Variants in LRRC9 observed in about 807,000 individuals in gnomAD.
The protein encoded by LRRC9 is leucine-rich repeat-containing protein 9.
A neutral mutation model predicts 63.2 loss-of-function variants in LRRC9; 122 were observed. The observed-to-expected ratio is 1.93, with a 90% CI of 1.67 to 2.24. The LOEUF (loss-of-function observed/expected upper bound fraction) is 2.24, where lower values mean the gene tolerates loss of function less well. LRRC9 is among the 30% of genes most tolerant of loss of function. LRRC9 has a pLI of 0.00. For missense variants in LRRC9, 1,071 were observed against 627.7 expected (o/e 1.71, Z -7.55); for synonymous variants, 366 against 213.1 (o/e 1.72, Z -6.25).
At chr14:59,994,881 G>A (rs1329408501) in intron 17 of LRRC9, among the ~76,000 whole-genome samples, 4 of 151,984 alleles carry the variant, frequency 2.6e-5, no homozygotes, top group Non-Finnish European at 5.9e-5. Context: ...GGAAGGGGGA[G>A]GGATAGCATT....
exon 32 of LRRC9, chr14:60,063,442 T>TAAAA: frequency 1.7e-6 from 1 of 590,488 alleles, no homozygotes. Context: ...AGTGGTCAGT[T>TAAAA]AAAAAAAAAA....
In LRRC9 at chr14:59,958,932, G is replaced by T. The variant is rs1884083216; in HGVS notation, c.883-886G>T. ...CCCTGCTTCTGCTCACCCTCTGTGGGTTGGACCCACTGTCTAACCAGTCTC... is the reference window on the plus strand; with the variant it reads ...CCCTGCTTCTGCTCACCCTCTGTGGTTTGGACCCACTGTCTAACCAGTCTC... On this transcript the variant is annotated intron_variant, in intron 8 of 31. Coordinates refer to ENST00000445360, the Ensembl canonical transcript of LRRC9. This position sits in a 1 kb window ranked among gnomAD's most constrained non-coding sequence, Gnocchi z 4.0. 6.6e-6 allele frequency among the ~76,000 whole-genome samples: 1 copy of T among 152,186 alleles called. No individual in the cohort carries two copies. Among genetic ancestry groups the T allele is most frequent in the Non-Finnish European group, 1.5e-5 (1 of 68,036 alleles).
intron 19 of LRRC9, among the ~76,000 whole-genome samples, chr14:60,000,865 T>C (rs527808926): frequency 2.0e-5 from 3 of 152,264 alleles, no homozygotes; most frequent in African/African-American, 7.2e-5. Context: ...AGATATTCTT[T>C]ATATATCCAG....
intron 12 of LRRC9, 118 bp from the exon 13 acceptor site, chr14:59,974,458 G>A (rs1566832106): frequency 2.3e-6 from 1 of 429,524 alleles, no homozygotes; most frequent in Non-Finnish European, 4.1e-6. Flanking sequence ...TTTTCAGTGA[G>A]TCCGGCCTGC....
intron 17 of LRRC9, among the ~76,000 whole-genome samples, chr14:59,987,694 T>A (rs2140130446): frequency 6.6e-6 from 1 of 152,224 alleles, no homozygotes; most frequent in African/African-American, 2.4e-5. Flanking sequence ...TTGACAAGAC[T>A]GTAGGAGACA....
At chr14:59,987,249 A>G (rs1887568200) in intron 17 of LRRC9, among the ~76,000 whole-genome samples, 1 of 151,352 alleles carries the variant, frequency 6.6e-6, no homozygotes, top group Non-Finnish European at 1.5e-5. Context: ...CTGTCAACCA[A>G]ATGTACATCC....
chr14:60,013,301 C>T (rs895930265), intron 23 of LRRC9, among the ~76,000 whole-genome samples: 1 of 151,944 alleles, frequency 6.6e-6, no homozygotes, highest in Non-Finnish European at 1.5e-5. Flanking sequence ...ATAGGACAGG[C>T]CATCAGGAAG....
At chr14:59,976,971 T>G (rs1886354833) in intron 13 of LRRC9, among the ~76,000 whole-genome samples, 1 of 152,216 alleles carries the variant, frequency 6.6e-6, no homozygotes. Context: ...TCCTTCTCCC[T>G]CTTCTGTAAA....
chr14:59,931,128 A>G, intron 4 of LRRC9, 70 bp downstream of exon 4: 2 of 316,374 alleles, frequency 6.3e-6, no homozygotes, highest in Non-Finnish European at 1.2e-5. Flanking sequence ...CACAATGTTC[A>G]AGATCATATT....
chr14:60,024,403 G>A (rs1891357928), intron 27 of LRRC9, among the ~76,000 whole-genome samples: 1 of 150,502 alleles, frequency 6.6e-6, no homozygotes, highest in African/African-American at 2.4e-5. Context: ...AACTTTTAGA[G>A]AAGTAGCGTG....
intron 27 of LRRC9, among the ~76,000 whole-genome samples, chr14:60,025,654 G>A (rs1891486590): frequency 1.3e-5 from 2 of 150,264 alleles, no homozygotes; most frequent in African/African-American, 4.9e-5. Context: ...AACTCTACAT[G>A]GTAAGGATTG....
At chr14:59,996,912 T>C (rs186559891) in intron 17 of LRRC9, among the ~76,000 whole-genome samples, 13 of 152,218 alleles carry the variant, frequency 8.5e-5, no homozygotes, top group African/African-American at 2.9e-4. Context: ...GTTAGAAACA[T>C]AAAGATCTAT....
At chr14:59,935,184 T>G (rs1425964093) in intron 6 of LRRC9, among the ~76,000 whole-genome samples, 1 of 150,742 alleles carries the variant, frequency 6.6e-6, no homozygotes, top group Non-Finnish European at 1.5e-5. Context: ...TCCCAGCCTA[T>G]TCAGGAGGCT....
chr14:59,968,593 A>C (rs1451917561), intron 12 of LRRC9, among the ~76,000 whole-genome samples: 1 of 152,206 alleles, frequency 6.6e-6, no homozygotes, highest in Non-Finnish European at 1.5e-5. Context: ...CTGTCACTGC[A>C]GGGTGGTGGT....
At chr14:60,064,774 GCAT>G (rs904492021), downstream of LRRC9, among the ~76,000 whole-genome samples, 3 of 151,984 alleles carry the variant, frequency 2.0e-5, no homozygotes, top group Non-Finnish European at 4.4e-5. Flanking sequence ...TACTAAATTG[GCAT>G]CATCTTCTTT....
chr14:59,941,078 A>G (rs948127678), intron 7 of LRRC9, among the ~76,000 whole-genome samples: 9 of 151,904 alleles, frequency 5.9e-5, no homozygotes, highest in African/African-American at 2.2e-4. Flanking sequence ...CAAAAAAAAA[A>G]CCCTTATTGA....
At position 59,932,417 on chromosome 14, in the gene LRRC9, A is replaced by G. The variant is rs976241205; in HGVS notation, c.543+378A>G. On this transcript the variant is annotated intron_variant, in intron 6 of 31. Coordinates refer to ENST00000445360, the Ensembl canonical transcript of LRRC9. The surrounding 1 kb of genome is among the most constrained non-coding windows in gnomAD (Gnocchi z 4.7). ...CTCTAAATAATCTCATCATGCCTTA[A>G]GACTTTAAATACCGTTTATCTACCC... Among the ~76,000 whole-genome samples the G allele has an allele frequency of 2.0e-5, 3 of 152,074 alleles. No individual in the cohort carries two copies. Among genetic ancestry groups the G allele is most frequent in the Non-Finnish European group, 4.4e-5 (3 of 67,982 alleles).
downstream of LRRC9, among the ~76,000 whole-genome samples, chr14:60,066,091 T>C (rs897302214): frequency 3.3e-5 from 5 of 152,060 alleles, no homozygotes; most frequent in Non-Finnish European, 7.4e-5. Flanking sequence ...CGTGCTGGGA[T>C]TATAGGCATG....
intron 8 of LRRC9, among the ~76,000 whole-genome samples, chr14:59,957,159 G>A (rs1883850344): frequency 6.6e-6 from 1 of 152,106 alleles, no homozygotes; most frequent in Admixed American, 6.5e-5. Context: ...TTTCCTGAAT[G>A]TGAATATTGG....
Sources: allele counts gnomAD v4.1 joint callset (sites outside exome capture counted in the v4.1 genomes callset), GRCh38; gene constraint gnomAD v4.1.1; non-coding constraint Gnocchi (gnomAD v3.1); transcripts MANE v1.5; gene names NCBI Gene and HGNC (gene_info 2026-07-23, HGNC 2026-07-21).